The following DRICH1 variants were observed in gnomAD, a reference collection of about 807,000 sequenced individuals.
DRICH1 encodes the protein aspartate-rich protein 1.
A neutral mutation model predicts 39.5 loss-of-function variants in DRICH1; 38 were observed. That is an observed-to-expected ratio of 0.96 (90% CI 0.74 to 1.26). The LOEUF (loss-of-function observed/expected upper bound fraction) is 1.26, where lower values mean the gene tolerates loss of function less well. DRICH1 is among the 50% of genes most tolerant of loss of function. The pLI, the probability that DRICH1 is intolerant of heterozygous loss-of-function variation, is 0.00. For synonymous variants in DRICH1, 84 were observed against 99.5 expected, an observed-to-expected ratio of 0.84 and a Z score of 0.93; for missense variants, 279 against 270.4, an observed-to-expected ratio of 1.03 and a Z score of -0.22.
At chr22:23,613,543 A>G (rs1314344266) in intron 10 of DRICH1, 96 bp downstream of exon 10, 16 of 1,048,574 alleles carry the variant, frequency 1.5e-5, no homozygotes, top group Non-Finnish European at 2.2e-5. Flanking sequence ...CGAGAACCCC[A>G]AGCCTCTTTC....
At chr22:23,600,265 T>A in the DRICH1 span, among the ~76,000 whole-genome samples, 1 of 152,128 alleles carries the variant, frequency 6.6e-6, no homozygotes, top group Admixed American at 6.5e-5. Flanking sequence ...CTGAAATGTC[T>A]GAGGTTTGGA....
At chr22:23,607,546 G>GT (rs199626074), downstream of DRICH1, among the ~76,000 whole-genome samples, 18 of 150,656 alleles carry the variant, frequency 1.2e-4, no homozygotes, top group South Asian at 1.9e-3. Flanking sequence ...GGCGGGGGGG[G>GT]GCCTCTTGCC....
the DRICH1 span, among the ~76,000 whole-genome samples, chr22:23,599,903 A>C: frequency 0.053 from 8,043 of 152,210 alleles, 376 homozygotes; most frequent in African/African-American, 0.12. Context: ...CCCACGGTGC[A>C]TGATCAGGCA....
At chr22:23,631,016 G>A (rs1928354851) in intron 1 of DRICH1, 1 of 152,288 alleles carries the variant, frequency 6.6e-6, no homozygotes, top group African/African-American at 2.4e-5. Context: ...AATGCATGCA[G>A]GGCTTCATAC....
downstream of DRICH1, among the ~76,000 whole-genome samples, chr22:23,605,451 C>T (rs750530141): frequency 6.6e-6 from 1 of 152,170 alleles, no homozygotes; most frequent in African/African-American, 2.4e-5. Flanking sequence ...TGGAGCCCAC[C>T]ACCTGGTGCT....
the DRICH1 span, among the ~76,000 whole-genome samples, chr22:23,591,942 A>AGGGGG: frequency 1.3e-5 from 2 of 152,004 alleles, no homozygotes; most frequent in Non-Finnish European, 2.9e-5. Context: ...AGGGGTGTGG[A>AGGGGG]GGGGGAGCAG....
rs1285590235 is a variant in DRICH1 at position 23,608,667 on chromosome 22, G to T, written c.*97C>A. 3 of 1,196,648 alleles carry T rather than the reference G, an allele frequency of 2.5e-6. No individual in the cohort carries two copies. Among genetic ancestry groups the T allele is most frequent in the East Asian group, 2.5e-5 (1 of 39,314 alleles). 74.1% of individuals were successfully genotyped at this position (1,196,648 alleles called of 1,614,324 possible). A position where few individuals can be genotyped will look rare whatever the true frequency, so the allele number is the denominator to read the frequency against. On this transcript the variant is annotated 3_prime_UTR_variant, in exon 12 of 12. Transcript: ENST00000317749. ...GACCAAGAGTTTTCCTCAGAATGTAGAGAGGATTGAGACCTCCAGGGGCAA... is the reference window on the plus strand; with the variant it reads ...GACCAAGAGTTTTCCTCAGAATGTATAGAGGATTGAGACCTCCAGGGGCAA...
At chr22:23,612,916 TGA>T (rs937355546) in intron 11 of DRICH1, among the ~76,000 whole-genome samples, 2 of 152,154 alleles carry the variant, frequency 1.3e-5, no homozygotes, top group Admixed American at 6.6e-5. Context: ...GAAATGCCTG[TGA>T]GAGAGTTGTG....
At chr22:23,601,337 A>G in the DRICH1 span, among the ~76,000 whole-genome samples, 2 of 152,194 alleles carry the variant, frequency 1.3e-5, no homozygotes, top group African/African-American at 2.4e-5. Context: ...AGGAAGCCAG[A>G]CTCAGAAGGT....
rs766834631 is a variant in DRICH1 at position 23,626,036 on chromosome 22, T to A, written c.221A>T (p.Asp74Val). The change falls in exon 2 of 12, where the codon GAC (aspartate) becomes GTC (valine). Residue 74 changes from aspartate (D) to valine (V), a missense_variant. By Grantham distance (152) the Asp-to-Val change is radical. Transcript: ENST00000317749. Reference protein sequence around the residue: ...NQKMPTGPPEDRLSLKFLPSS... With the variant: ...NQKMPTGPPEVRLSLKFLPSS... ...TGGCAGAAATTTTAAACTCAGGCGG[T>A]CCTCAGGGGGACCTAAAAGGACACA... is the stretch of plus-strand genomic sequence containing the variant. 6.2e-6 allele frequency: 10 copies of A among 1,612,750 alleles called. No individual in the cohort carries two copies. In the South Asian group the frequency reaches 1.1e-4, roughly 18 times the overall value.
rs760573090 is a variant in DRICH1, at chr22:23,613,340, C to CAAA, written c.644-13_644-11dup. 1 of 1,609,790 alleles carries CAAA rather than the reference C, an allele frequency of 6.2e-7. No homozygotes were observed. The highest frequency in any genetic ancestry group is 1.3e-5 in the African/African-American group (1 of 74,788). On this transcript the variant is annotated splice_polypyrimidine_tract_variant and intron_variant, in intron 10 of 11. Transcript: ENST00000317749. ...CTCTCCAGCGTCAAGTCTTTAGAAA[C>CAAA]AAAAACACCAGAATAAGTCATTAGA...
Position 23,629,687 on chromosome 22 carries a change from G to A in DRICH1, c.208+2129C>T, listed in dbSNP as rs558579481. Reference sequence around the variant, plus strand: ...CTGGAGGGGGCAGTGGCTCGATCTCGGCTCACTGCAACCTCCACCTCCCAG... The same window carrying A: ...CTGGAGGGGGCAGTGGCTCGATCTCAGCTCACTGCAACCTCCACCTCCCAG... On this transcript the variant is annotated intron_variant, in intron 1 of 11. Transcript: ENST00000317749. Among the ~76,000 whole-genome samples the A allele has an allele frequency of 4.6e-5, 7 of 151,868 alleles. No homozygotes were observed. The East Asian group carries it at 1.2e-3, about 25-fold the overall frequency.
chr22:23,592,788 T>C, the DRICH1 span, among the ~76,000 whole-genome samples: 1 of 148,858 alleles, frequency 6.7e-6, no homozygotes, highest in South Asian at 2.1e-4. Flanking sequence ...GGTCAGGAGT[T>C]TGAGACCAGC....
chr22:23,617,791 G>C (rs118110622), intron 6 of DRICH1, 134 bp from the exon 7 acceptor site: 1 of 841,248 alleles, frequency 1.2e-6, no homozygotes, highest in Non-Finnish European at 1.9e-6. Context: ...AAGAGGGATG[G>C]CAGAGGAGGG....
At chr22:23,582,345 A>G in the DRICH1 span, among the ~76,000 whole-genome samples, 1 of 149,284 alleles carries the variant, frequency 6.7e-6, no homozygotes, top group East Asian at 2.0e-4. Flanking sequence ...GCATGTCTAG[A>G]TCTTTTTCAT....
chr22:23,627,593 G>A (rs1928143393), intron 1 of DRICH1, among the ~76,000 whole-genome samples: 1 of 152,106 alleles, frequency 6.6e-6, no homozygotes, highest in Admixed American at 6.5e-5. Flanking sequence ...GTGGGGCTGG[G>A]GATATGACAA....
intron 10 of DRICH1, 29 bp from the exon 11 acceptor site, chr22:23,613,359 C>A (rs1223146188): frequency 6.3e-7 from 1 of 1,593,234 alleles, no homozygotes; most frequent in South Asian, 1.1e-5. Context: ...CAGAATAAGT[C>A]ATTAGAGAGA....
intron 11 of DRICH1, among the ~76,000 whole-genome samples, chr22:23,609,560 G>T (rs1926921182): frequency 6.6e-6 from 1 of 152,088 alleles, no homozygotes; most frequent in Non-Finnish European, 1.5e-5. Context: ...CCTGACCAGG[G>T]GTACACCTGT....
At chr22:23,624,928 C>T (rs1254568092) in intron 2 of DRICH1, 24 bp from the exon 3 acceptor site, 1 of 1,612,372 alleles carries the variant, frequency 6.2e-7, no homozygotes, top group Non-Finnish European at 8.5e-7. Context: ...AAAGAAGATG[C>T]TATGAGGATC....
Sources: allele counts gnomAD v4.1 joint callset (sites outside exome capture counted in the v4.1 genomes callset), GRCh38; gene constraint gnomAD v4.1.1; transcripts MANE v1.5; gene names NCBI Gene and HGNC (gene_info 2026-07-23, HGNC 2026-07-21).